Variants in ACACB observed in about 807,000 individuals in gnomAD.
ACACB encodes acetyl-CoA carboxylase beta.
ACACB carries 209 observed loss-of-function variants against 278.8 expected under a neutral mutation model. The observed-to-expected ratio is 0.75, with a 90% CI of 0.67 to 0.84. The LOEUF is 0.84. Among genes scored for constraint, ACACB ranks in the 40% least tolerant of loss-of-function variants. The probability of loss-of-function intolerance (pLI) is 0.00; values close to 1 mark genes in which losing one functional copy is unlikely to be tolerated. For synonymous variants in ACACB, 1,174 were observed against 1,285.6 expected, an observed-to-expected ratio of 0.91 and a Z score of 1.86; for missense variants, 2,850 against 3,269.0, an observed-to-expected ratio of 0.87 and a Z score of 3.13.
intron 37 of ACACB, among the ~76,000 whole-genome samples, chr12:109,242,843 G>A (rs1038422613): frequency 6.6e-6 from 1 of 152,210 alleles, no homozygotes; most frequent in Non-Finnish European, 1.5e-5. Context: ...GCGCATGCCT[G>A]TAGTCCCAGC....
chr12:109,209,108 G>C (rs1181628014), intron 20 of ACACB, 57 bp from the exon 21 acceptor site: 2 of 1,514,196 alleles, frequency 1.3e-6, no homozygotes, highest in East Asian at 4.9e-5. Flanking sequence ...CCTGTTTGGG[G>C]CGGTGGTGCC....
Position 109,201,671 on chromosome 12 carries a change from GGA to G in ACACB, c.2885_2886del (p.Glu962AlafsTer3). ...LEAGCVVARL[E>X]LDDPSKVHPA... ...AAGCAGGCTGCGTGGTGGCCAGGCT[GGA>G]GCTCGATGACCCTTCTAAAGTCCAC... is the stretch of plus-strand genomic sequence containing the variant. On this transcript the variant is annotated frameshift_variant, in exon 19 of 53. Transcript: ENST00000338432. LOFTEE classifies it high-confidence loss of function. 6.2e-7 allele frequency: 1 copy of G among 1,614,188 alleles called. No individual in the cohort carries two copies.
chr12:109,222,621 G>A lies in ACACB; in HGVS notation c.3678+1G>A, dbSNP rs2046204148. ...CAAAGTGGCCCTCAGAGCCCGGCAGGTAGGGTCTCAGGGTGCGGTCCCCAC... is the reference window on the plus strand; with the variant it reads ...CAAAGTGGCCCTCAGAGCCCGGCAGATAGGGTCTCAGGGTGCGGTCCCCAC... On this transcript the variant is annotated splice_donor_variant, in intron 25 of 52. Coordinates refer to ENST00000338432, the MANE Select transcript of ACACB (RefSeq NM_001093.4). LOFTEE classifies it high-confidence loss of function. 6.2e-7 allele frequency: 1 copy of A among 1,613,716 alleles called. No homozygotes were observed. Among genetic ancestry groups the A allele is most frequent in the Non-Finnish European group, 8.5e-7 (1 of 1,179,636 alleles).
rs1475452629 is a variant in ACACB, at chr12:109,226,717, A to AG, written c.3883-654_3883-653insG. On this transcript the variant is annotated intron_variant, in intron 27 of 52. Transcript: ENST00000338432. ...TCCATCTCAAAAAAAAAAAAAAAAA[A>AG]AAGAAGAATGCAGCCACACCCATTC... Among the ~76,000 whole-genome samples, 45 of 151,740 alleles carry AG rather than the reference A, an allele frequency of 3.0e-4. 2 individuals are homozygous for AG. In the South Asian group the frequency reaches 4.8e-3, roughly 16 times the overall value.
At chr12:109,266,153 C>A in intron 52 of ACACB, 83 bp from the exon 53 acceptor site, 1 of 1,517,104 alleles carries the variant, frequency 6.6e-7, no homozygotes, top group South Asian at 1.3e-5. Flanking sequence ...TGGGGTGTGG[C>A]CCCACACAAG....
chr12:109,157,846 G>A (rs2043592417), intron 2 of ACACB, among the ~76,000 whole-genome samples: 1 of 152,182 alleles, frequency 6.6e-6, no homozygotes, highest in Non-Finnish European at 1.5e-5. Flanking sequence ...GTGGATCAGA[G>A]TGCAGAAGGG....
rs1172558044 is a variant in ACACB at position 109,188,179 on chromosome 12, T to C, written c.2144+17T>C. 2.2e-5 allele frequency: 5 copies of C among 223,778 alleles called. No individual in the cohort carries two copies. Among genetic ancestry groups the C allele is most frequent in the South Asian group, 1.8e-4 (3 of 16,598 alleles). 13.9% of individuals were successfully genotyped at this position (223,778 alleles called of 1,614,324 possible). ...GGCCATTTCGTCAGTATCTCCTTCC[T>C]TCCTTCCTTCCTTCCTTCCTTCCTT... On this transcript the variant is annotated intron_variant, in intron 13 of 52. Transcript: ENST00000338432.
In ACACB at chr12:109,265,628, C is replaced by G. The variant is rs2047498922; in HGVS notation, c.7250+103C>G. ...TATGCAGCCACTTGAACCCGCCACC[C>G]TGTGCAGTCTGGGGTTGTCCCCGCC... On this transcript the variant is annotated intron_variant, in intron 52 of 52. Coordinates refer to ENST00000338432, the MANE Select transcript of ACACB (RefSeq NM_001093.4). 4 of 1,420,770 alleles carry G rather than the reference C, an allele frequency of 2.8e-6. No individual in the cohort carries two copies. The Admixed American group carries it at 6.0e-5, about 21-fold the overall frequency. 88.0% of individuals were successfully genotyped at this position (1,420,770 alleles called of 1,614,324 possible).
rs189644565 is a variant in ACACB at position 109,197,225 on chromosome 12, C to T, written c.2627+72C>T. The T allele has an allele frequency of 3.5e-3, 5,316 of 1,533,750 alleles. 20 individuals carry two copies. Among genetic ancestry groups the T allele is most frequent in the Non-Finnish European group, 4.0e-3 (4,586 of 1,144,768 alleles). On this transcript the variant is annotated intron_variant, in intron 17 of 52. Transcript: ENST00000338432. ...TCTGTCCTAGGCATGGAAAACACAGCACTGGCCTGTGTGCAGGTCCAAGGG... is the reference window on the plus strand; with the variant it reads ...TCTGTCCTAGGCATGGAAAACACAGTACTGGCCTGTGTGCAGGTCCAAGGG...
At chr12:109,172,521 A>G (rs533288746) in intron 6 of ACACB, among the ~76,000 whole-genome samples, 165 bp downstream of exon 6, 1 of 152,324 alleles carries the variant, frequency 6.6e-6, no homozygotes, top group South Asian at 2.1e-4. Context: ...GGAAGGGCAC[A>G]TAGCTAATCT....
chr12:109,264,043 G>T (rs2047447140), intron 49 of ACACB, 189 bp from the exon 50 acceptor site: 1 of 662,840 alleles, frequency 1.5e-6, no homozygotes, highest in Admixed American at 2.8e-5. Flanking sequence ...GACTCTGGGG[G>T]ACCTAGGGGG....
chr12:109,224,831 A>ATGAGATGACGTCTTG (rs143596498), intron 27 of ACACB, among the ~76,000 whole-genome samples: 29,141 of 151,928 alleles, frequency 0.19, 4,116 homozygotes, highest in African/African-American at 0.4. Context: ...TTAAGAAAAT[A>ATGAGATGACGTCTTG]TGTTTTTAAC....
intron 48 of ACACB, among the ~76,000 whole-genome samples, chr12:109,261,308 C>T (rs989251200): frequency 6.6e-6 from 1 of 152,192 alleles, no homozygotes; most frequent in African/African-American, 2.4e-5. Context: ...TTGATTACCT[C>T]ACTGTATGCC....
At chr12:109,177,559 G>A (rs1170401526) in intron 9 of ACACB, among the ~76,000 whole-genome samples, 1 of 152,204 alleles carries the variant, frequency 6.6e-6, no homozygotes, top group East Asian at 1.9e-4. Context: ...GGGTGTACAA[G>A]TGTTTTGGGG....
chr12:109,129,765 C>A (rs1045423556), intron 1 of ACACB, among the ~76,000 whole-genome samples: 6 of 152,242 alleles, frequency 3.9e-5, no homozygotes, highest in Non-Finnish European at 8.8e-5. Context: ...ATGGGGGGAT[C>A]TGCCTGTCCT....
At chr12:109,258,413 G>C in intron 46 of ACACB, 49 bp downstream of exon 46, 1 of 1,510,772 alleles carries the variant, frequency 6.6e-7, no homozygotes. Context: ...CGGTACTGTC[G>C]AGAGTGGGTC....
In ACACB at chr12:109,188,046, C is replaced by T; in HGVS notation, c.2028C>T (p.Ser676=). ...SGTVQELNFR[S]SKNVWGYFSV... ...CTGTCCAGGAACTGAATTTCCGGAG[C>T]AGCAAGAACGTGTGGGGTTACTTCA... The change falls in exon 13 of 53, where the codon AGC becomes AGT. Residue 676 remains serine, a synonymous_variant. Transcript: ENST00000338432. 1 of 1,613,356 alleles carries T rather than the reference C, an allele frequency of 6.2e-7. No homozygotes were observed. The highest frequency in any genetic ancestry group is 1.1e-5 in the South Asian group (1 of 91,068).
At chr12:109,123,788 C>G (rs1431884027) in intron 1 of ACACB, among the ~76,000 whole-genome samples, 1 of 151,662 alleles carries the variant, frequency 6.6e-6, no homozygotes, top group Non-Finnish European at 1.5e-5. Context: ...ACCCTGGGCT[C>G]CCATCTCAGC....
Position 109,266,852 on chromosome 12 carries a change from G to A in ACACB, c.*490G>A, listed in dbSNP as rs539787347. The A allele has an allele frequency of 5.3e-5, 8 of 151,480 alleles. No individual in the cohort carries two copies. The highest frequency in any genetic ancestry group is 2.1e-4 in the South Asian group (1 of 4,786). 9.4% of individuals were successfully genotyped at this position (151,480 alleles called of 1,614,324 possible). On this transcript the variant is annotated 3_prime_UTR_variant, in exon 53 of 53. Coordinates refer to ENST00000338432, the MANE Select transcript of ACACB (RefSeq NM_001093.4). ...ACAGGACTAGAGAAAACCTATTTTT[G>A]TAATGATGTTTCTTTGGATACTGTC...
Sources: allele counts gnomAD v4.1 joint callset (sites outside exome capture counted in the v4.1 genomes callset), GRCh38; gene constraint gnomAD v4.1.1; transcripts MANE v1.5; gene names NCBI Gene and HGNC (gene_info 2026-07-23, HGNC 2026-07-21).